SH3GL1: variants seen among roughly 807,000 people sequenced by gnomAD.
The protein encoded by SH3GL1 is endophilin-A2.
Under a neutral mutation model 48.8 loss-of-function variants are expected in SH3GL1, and 21 were observed. That is an observed-to-expected ratio of 0.43 (90% CI 0.30 to 0.62). The LOEUF (loss-of-function observed/expected upper bound fraction) is 0.62, where lower values mean the gene tolerates loss of function less well. Ranked by LOEUF, SH3GL1 falls within the 20% of genes least tolerant of loss-of-function variation. SH3GL1 has a pLI of 0.11. For missense variants in SH3GL1, 454 were observed against 503.0 expected (o/e 0.90, Z 0.93); for synonymous variants, 282 against 217.5 (o/e 1.30, Z -2.61).
At chr19:4,398,154 C>T (rs1973457322) in intron 1 of SH3GL1, among the ~76,000 whole-genome samples, 1 of 151,898 alleles carries the variant, frequency 6.6e-6, no homozygotes, top group African/African-American at 2.4e-5. Flanking sequence ...AGGGTCCTTA[C>T]TTTTTTCTTT....
chr19:4,398,666 C>A (rs1973465589), intron 1 of SH3GL1, among the ~76,000 whole-genome samples: 1 of 152,002 alleles, frequency 6.6e-6, no homozygotes, highest in African/African-American at 2.4e-5. Context: ...AGCCACCGCG[C>A]CCGGCCAAAT....
Position 4,361,788 on chromosome 19 carries a change from C to G in SH3GL1, c.919G>C (p.Asp307His), listed in dbSNP as rs778554390. The change falls in exon 10 of 10, where the codon GAC (aspartate) becomes CAC (histidine). Residue 307 changes from aspartate to histidine, a missense_variant. This residue lies in a region of SH3GL1 where 278 missense variants were observed against 246.8 expected (regional missense o/e 1.13). Coordinates refer to ENST00000269886, the MANE Select transcript of SH3GL1 (RefSeq NM_003025.4). ...RTPSRSMPPL[D>H]QPSCKALYDF... Reference sequence around the variant, plus strand: ...TACAGCGCCTTGCAGCTCGGCTGGTCCAGGGGCGCTGGGGGCGGGAGCGGG... The same window carrying G: ...TACAGCGCCTTGCAGCTCGGCTGGTGCAGGGGCGCTGGGGGCGGGAGCGGG... 6.2e-7 allele frequency: 1 copy of G among 1,607,474 alleles called. No homozygotes were observed. The highest frequency in any genetic ancestry group is 1.1e-5 in the South Asian group (1 of 91,026).
In SH3GL1 at chr19:4,361,354, G is replaced by T. The variant is rs532630032; in HGVS notation, c.*246C>A. ...AGCGGGGGAGGAGGCTGGCGCCATG[G>T]AGTGGGGAAGGGAGCCGTCACCGTT... is the stretch of plus-strand genomic sequence containing the variant. On this transcript the variant is annotated 3_prime_UTR_variant, in exon 10 of 10. Coordinates refer to ENST00000269886, the MANE Select transcript of SH3GL1 (RefSeq NM_003025.4). The T allele has an allele frequency of 1.7e-5, 9 of 526,768 alleles. No homozygotes were observed. The Admixed American group carries it at 3.1e-4, about 18-fold the overall frequency. 32.6% of individuals were successfully genotyped at this position (526,768 alleles called of 1,614,324 possible).
chr19:4,396,716 C>T (rs990046041), intron 1 of SH3GL1, among the ~76,000 whole-genome samples: 2 of 151,958 alleles, frequency 1.3e-5, no homozygotes, highest in South Asian at 2.1e-4. Flanking sequence ...ACATTTGGGG[C>T]CAGGTAATTC....
rs1025056569 is a variant in SH3GL1, at chr19:4,360,986, G to A, written c.*614C>T. 4.7e-5 allele frequency: 11 copies of A among 233,730 alleles called. No individual in the cohort carries two copies. Among genetic ancestry groups the A allele is most frequent in the South Asian group, 1.8e-4 (1 of 5,600 alleles). The allele number at this position is 233,730 out of a possible 1,614,324, so 14.5% of individuals were successfully genotyped here. ...CAGATCCCAGCTGGCCTCTGTCCCC[G>A]GGCTGCAAGCTGACAGCAGGCCCGG... On this transcript the variant is annotated 3_prime_UTR_variant, in exon 10 of 10. Coordinates refer to ENST00000269886, the MANE Select transcript of SH3GL1 (RefSeq NM_003025.4).
At chr19:4,386,435 G>A (rs1973236400) in intron 1 of SH3GL1, among the ~76,000 whole-genome samples, 1 of 151,894 alleles carries the variant, frequency 6.6e-6, no homozygotes, top group South Asian at 2.1e-4. Flanking sequence ...GTGTCCTGGA[G>A]GAAGATATTT....
At chr19:4,375,197 CGA>C (rs151193371) in intron 1 of SH3GL1, among the ~76,000 whole-genome samples, 102 of 152,224 alleles carry the variant, frequency 6.7e-4, no homozygotes, top group African/African-American at 2.3e-3. Flanking sequence ...AGGACAACCC[CGA>C]GAGGAGTGGA....
In SH3GL1 at chr19:4,387,406, C is replaced by T. The variant is rs188538310; in HGVS notation, c.45+12918G>A. On this transcript the variant is annotated intron_variant, in intron 1 of 9. Coordinates refer to ENST00000269886, the MANE Select transcript of SH3GL1 (RefSeq NM_003025.4). ...CTCAAACTCCTGGACTTAAGTGATCCTCCCACCTCAGCCTACCAAGTAGCT... is the reference window on the plus strand; with the variant it reads ...CTCAAACTCCTGGACTTAAGTGATCTTCCCACCTCAGCCTACCAAGTAGCT... 3.3e-3 allele frequency among the ~76,000 whole-genome samples: 510 copies of T among 152,314 alleles called. 1 individual carries two copies. The highest frequency in any genetic ancestry group is 5.5e-3 in the Non-Finnish European group (373 of 68,036).
At chr19:4,370,730 G>A (rs954695759) in intron 1 of SH3GL1, among the ~76,000 whole-genome samples, 9 of 152,280 alleles carry the variant, frequency 5.9e-5, no homozygotes, top group African/African-American at 2.2e-4. Context: ...CTCCCACAGA[G>A]GCTGTGACAT....
chr19:4,366,265 G>A (rs1015271714), intron 3 of SH3GL1, among the ~76,000 whole-genome samples: 1 of 152,190 alleles, frequency 6.6e-6, no homozygotes, highest in African/African-American at 2.4e-5. Flanking sequence ...GGGGTTGAAG[G>A]CTGGGACGGC....
At chr19:4,377,446 G>A (rs561243922) in intron 1 of SH3GL1, among the ~76,000 whole-genome samples, 1 of 152,360 alleles carries the variant, frequency 6.6e-6, no homozygotes, top group African/African-American at 2.4e-5. Context: ...GGGACACCAG[G>A]CTCTGGTGAC....
At chr19:4,392,571 A>ACACACAC (rs1568422062) in intron 1 of SH3GL1, among the ~76,000 whole-genome samples, 6 of 142,274 alleles carry the variant, frequency 4.2e-5, no homozygotes, top group African/African-American at 1.3e-4. Flanking sequence ...CACACACACA[A>ACACACAC]AAGATCATTC....
At chr19:4,370,524 C>T (rs1318360143) in intron 1 of SH3GL1, among the ~76,000 whole-genome samples, 2 of 152,182 alleles carry the variant, frequency 1.3e-5, no homozygotes, top group Admixed American at 6.5e-5. Context: ...GCCCCCTCCC[C>T]ACTCTCCCAC....
intron 4 of SH3GL1, among the ~76,000 whole-genome samples, chr19:4,364,892 GTGTGTGTA>G (rs1482794240): frequency 3.7e-5 from 4 of 108,132 alleles, no homozygotes; most frequent in African/African-American, 7.8e-5. Flanking sequence ...GTGTGTGTGT[GTGTGTGTA>G]TATATATATA....
At chr19:4,365,655 C>T (rs761580393) in intron 3 of SH3GL1, 30 bp from the exon 4 acceptor site, 1 of 1,612,176 alleles carries the variant, frequency 6.2e-7, no homozygotes. Context: ...TGGGTGTGGG[C>T]TGTGAGGCCT....
chr19:4,383,407 G>C (rs1454953380), intron 1 of SH3GL1, among the ~76,000 whole-genome samples: 1 of 150,564 alleles, frequency 6.6e-6, no homozygotes, highest in East Asian at 1.9e-4. Context: ...TTATTTTTTG[G>C]TATTTTTGTA....
At chr19:4,394,357 G>A (rs955539408) in intron 1 of SH3GL1, among the ~76,000 whole-genome samples, 3 of 152,260 alleles carry the variant, frequency 2.0e-5, no homozygotes, top group African/African-American at 4.8e-5. Context: ...AGCTGCGCAC[G>A]GATGCCAGGA....
rs1267484341 is a variant in SH3GL1 at position 4,361,381 on chromosome 19, G to A, written c.*219C>T. The A allele has an allele frequency of 1.8e-6, 1 of 563,020 alleles. No individual in the cohort carries two copies. The highest frequency in any genetic ancestry group is 3.2e-6 in the Non-Finnish European group (1 of 316,896). The allele number at this position is 563,020 out of a possible 1,614,324, so 34.9% of individuals were successfully genotyped here. A position where few individuals can be genotyped will look rare whatever the true frequency, so the allele number is the denominator to read the frequency against. ...GTGGGGAAGGGAGCCGTCACCGTTG[G>A]GAGTCAGCGCTAGTGTAAACAGGCA... On this transcript the variant is annotated 3_prime_UTR_variant, in exon 10 of 10. Coordinates refer to ENST00000269886, the MANE Select transcript of SH3GL1 (RefSeq NM_003025.4).
At chr19:4,363,227 A>C in intron 7 of SH3GL1, 143 bp downstream of exon 7, 1 of 695,998 alleles carries the variant, frequency 1.4e-6, no homozygotes, top group Non-Finnish European at 2.5e-6. Flanking sequence ...GCGGCCCCCC[A>C]GGCCTTTCCA....
Sources: gnomAD v4.1 joint callset for allele counts (sites outside exome capture counted in the v4.1 genomes callset) on GRCh38, gnomAD v4.1.1 for gene constraint, gnomAD v4.1.1 regional missense constraint, MANE v1.5 for transcripts, NCBI Gene and HGNC (gene_info 2026-07-23, HGNC 2026-07-21) for gene names.